CRYL1: variants seen among roughly 807,000 people sequenced by gnomAD.
The protein encoded by CRYL1 is lambda-crystallin homolog.
In CRYL1, 29 loss-of-function variants were observed where a neutral mutation model predicts 36.6. The ratio of observed to expected loss-of-function variants is 0.79; its 90% CI spans 0.59 to 1.08. The LOEUF is 1.08. Among genes scored for constraint, CRYL1 ranks in the 50% least tolerant of loss-of-function variants. The pLI, the probability that CRYL1 is intolerant of heterozygous loss-of-function variation, is 0.00. For synonymous variants in CRYL1, 152 were observed against 151.5 expected, an observed-to-expected ratio of 1.00 and a Z score of -0.02; for missense variants, 411 against 407.9, an observed-to-expected ratio of 1.01 and a Z score of -0.06.
chr13:20,496,482 A>G (rs1593486513), intron 2 of CRYL1, among the ~76,000 whole-genome samples: 1 of 152,228 alleles, frequency 6.6e-6, no homozygotes, highest in Non-Finnish European at 1.5e-5. Context: ...TTTGGCTAGT[A>G]TATTCCCGTT....
intron 3 of CRYL1, among the ~76,000 whole-genome samples, chr13:20,462,899 A>T (rs2032860048): frequency 6.6e-6 from 1 of 152,200 alleles, no homozygotes; most frequent in Non-Finnish European, 1.5e-5. Context: ...CATTATCATT[A>T]CTAGTATCTC....
At chr13:20,463,899 AGAG>A (rs1194417745) in intron 3 of CRYL1, among the ~76,000 whole-genome samples, 1 of 151,260 alleles carries the variant, frequency 6.6e-6, no homozygotes, top group East Asian at 1.9e-4. Flanking sequence ...ACGTCCATGC[AGAG>A]GAGAACCCTC....
At chr13:20,416,818 G>C (rs1041868828) in intron 5 of CRYL1, among the ~76,000 whole-genome samples, 1 of 152,032 alleles carries the variant, frequency 6.6e-6, no homozygotes. Context: ...CCTAACTAAC[G>C]CCTGAGAAGG....
rs542375774 is a variant in CRYL1, at chr13:20,409,002, T to C, written c.740-4261A>G. ...TTCACAGAATTGGAAAAAACTACTT[T>C]AAAGTTCATATGGAACCAAAACAGA... On this transcript the variant is annotated intron_variant, in intron 6 of 7. Transcript: ENST00000298248. 1.4e-4 allele frequency among the ~76,000 whole-genome samples: 21 copies of C among 152,214 alleles called. No homozygotes were observed. The South Asian group carries it at 4.2e-3, about 30-fold the overall frequency.
intron 6 of CRYL1, among the ~76,000 whole-genome samples, chr13:20,412,227 C>T (rs2031541826): frequency 6.6e-6 from 1 of 152,044 alleles, no homozygotes. Context: ...TGTCTGCTTG[C>T]CATTTCCAGT....
At chr13:20,502,998 C>T (rs960641801) in intron 2 of CRYL1, among the ~76,000 whole-genome samples, 4 of 148,842 alleles carry the variant, frequency 2.7e-5, no homozygotes, top group Non-Finnish European at 5.9e-5. Flanking sequence ...CGGAAGCACG[C>T]AGGATCATAC....
intron 5 of CRYL1, among the ~76,000 whole-genome samples, chr13:20,414,385 C>T (rs924272033): frequency 1.4e-4 from 22 of 151,936 alleles, no homozygotes; most frequent in Non-Finnish European, 2.5e-4. Flanking sequence ...AACCTACGGA[C>T]CGCCTGCAGC....
intron 1 of CRYL1, chr13:20,515,595 A>T (rs993750057): frequency 6.6e-6 from 1 of 152,170 alleles, no homozygotes; most frequent in African/African-American, 2.4e-5. Flanking sequence ...TAGGCTTTTA[A>T]GAATAAACAC....
intron 1 of CRYL1, among the ~76,000 whole-genome samples, chr13:20,520,036 A>G (rs2034066886): frequency 6.6e-6 from 1 of 152,210 alleles, no homozygotes; most frequent in Non-Finnish European, 1.5e-5. Flanking sequence ...AGAACAATCC[A>G]GAGAAGGGAG....
chr13:20,509,439 C>G (rs2033873478), intron 2 of CRYL1, among the ~76,000 whole-genome samples: 2 of 152,108 alleles, frequency 1.3e-5, no homozygotes, highest in Non-Finnish European at 2.9e-5. Flanking sequence ...TTCAAAATCT[C>G]AGGATCCTTC....
At chr13:20,404,526 A>G in intron 7 of CRYL1, 109 bp downstream of exon 7, 1 of 736,726 alleles carries the variant, frequency 1.4e-6, no homozygotes, top group Middle Eastern at 3.8e-4. Flanking sequence ...GATCAAGGGT[A>G]AAGATTCCAG....
At chr13:20,521,576 T>C (rs1262998188) in intron 1 of CRYL1, among the ~76,000 whole-genome samples, 2 of 152,124 alleles carry the variant, frequency 1.3e-5, no homozygotes, top group Non-Finnish European at 2.9e-5. Flanking sequence ...GAGCCAGCGA[T>C]AGAGGTAATT....
intron 2 of CRYL1, among the ~76,000 whole-genome samples, chr13:20,510,332 G>T (rs764815209): frequency 6.6e-6 from 1 of 152,172 alleles, no homozygotes; most frequent in Non-Finnish European, 1.5e-5. Context: ...TCAAGCTCAA[G>T]CCATGAAAAG....
At position 20,458,108 on chromosome 13, in the gene CRYL1, A is replaced by G. The variant is rs570065573; in HGVS notation, c.277-18354T>C. ...TAGGTCAAGGGTTAGATAATACTGT[A>G]TGTCATCTATTCTAATTTGCACATT... On this transcript the variant is annotated intron_variant, in intron 3 of 7. Coordinates refer to ENST00000298248, the MANE Select transcript of CRYL1 (RefSeq NM_015974.3). Among the ~76,000 whole-genome samples, 3 of 152,362 alleles carry G rather than the reference A, an allele frequency of 2.0e-5. No homozygotes were observed. The East Asian group carries it at 5.8e-4, about 29-fold the overall frequency.
intron 4 of CRYL1, chr13:20,433,994 C>T (rs1332114001): frequency 6.5e-6 from 1 of 153,018 alleles, no homozygotes; most frequent in Non-Finnish European, 1.5e-5. Context: ...AGATCCCAGC[C>T]TCACCCTGGC....
chr13:20,426,063 A>G (rs2031926490), intron 5 of CRYL1, among the ~76,000 whole-genome samples: 1 of 152,122 alleles, frequency 6.6e-6, no homozygotes, highest in South Asian at 2.1e-4. Flanking sequence ...TCAGGAAATC[A>G]AATGGCTGGA....
chr13:20,461,300 C>T (rs1159404541), intron 3 of CRYL1, among the ~76,000 whole-genome samples: 1 of 152,196 alleles, frequency 6.6e-6, no homozygotes. Context: ...CACAGAGGTT[C>T]AATGTTTACA....
At chr13:20,442,430 G>C (rs1212936116) in intron 3 of CRYL1, among the ~76,000 whole-genome samples, 1 of 152,306 alleles carries the variant, frequency 6.6e-6, no homozygotes, top group East Asian at 1.9e-4. Context: ...TATTCATTCA[G>C]ATACCCCTGG....
chr13:20,467,922 G>C (rs1039941586), intron 3 of CRYL1, among the ~76,000 whole-genome samples: 3 of 152,216 alleles, frequency 2.0e-5, no homozygotes, highest in African/African-American at 7.2e-5. Flanking sequence ...TGTTAGATCA[G>C]CGTGGCATTG....
Sources: gnomAD v4.1 joint callset for allele counts (sites outside exome capture counted in the v4.1 genomes callset) on GRCh38, gnomAD v4.1.1 for gene constraint, MANE v1.5 for transcripts, NCBI Gene and HGNC (gene_info 2026-07-23, HGNC 2026-07-21) for gene names.